Variants in GRID1 observed in about 807,000 individuals in gnomAD.
GRID1 encodes glutamate ionotropic receptor delta type subunit 1, also known as glutamate receptor ionotropic, delta-1.
A neutral mutation model predicts 98.0 loss-of-function variants in GRID1; 28 were observed. The observed-to-expected ratio is 0.29, with a 90% confidence interval of 0.21 to 0.39. The LOEUF is 0.39. GRID1 is among the 10% of genes least tolerant of loss of function. The pLI, the probability that GRID1 is intolerant of heterozygous loss-of-function variation, is 1.00. For synonymous variants in GRID1, 553 were observed against 538.5 expected, an observed-to-expected ratio of 1.03 and a Z score of -0.37; for missense variants, 1,111 against 1,340.5, an observed-to-expected ratio of 0.83 and a Z score of 2.67.
rs749366937 is a variant in GRID1, at chr10:86,211,073, TG to T, written c.236-4426del. Among the ~76,000 whole-genome samples, 9 of 152,094 alleles carry T rather than the reference TG, an allele frequency of 5.9e-5. No homozygotes were observed. The East Asian group carries it at 7.7e-4, about 13-fold the overall frequency. ...CTTTCTGTCTTTCTTTCTTTCTTCT[TG>T]GGGGGGTCAAATAAAGATGATGGCT... On this transcript the variant is annotated intron_variant, in intron 2 of 15. Coordinates refer to ENST00000327946, the MANE Select transcript of GRID1 (RefSeq NM_017551.3).
intron 2 of GRID1, among the ~76,000 whole-genome samples, chr10:86,287,436 C>A (rs1478546943): frequency 6.6e-6 from 1 of 152,186 alleles, no homozygotes; most frequent in African/African-American, 2.4e-5. Context: ...ATTGTTTTAC[C>A]AAGTGTCTTC....
intron 4 of GRID1, among the ~76,000 whole-genome samples, chr10:86,066,846 C>T (rs577390484): frequency 5.3e-5 from 8 of 152,302 alleles, no homozygotes; most frequent in African/African-American, 1.9e-4. Flanking sequence ...GCTTAGATGG[C>T]AAACACCAAG....
intron 2 of GRID1, among the ~76,000 whole-genome samples, chr10:86,293,666 C>A (rs1847547796): frequency 6.6e-6 from 1 of 152,214 alleles, no homozygotes; most frequent in Non-Finnish European, 1.5e-5. Context: ...CATCAGGGAA[C>A]CTGCATCCAC....
chr10:86,084,811 G>A (rs1844027154), intron 4 of GRID1, among the ~76,000 whole-genome samples: 1 of 152,050 alleles, frequency 6.6e-6, no homozygotes, highest in Non-Finnish European at 1.5e-5. Context: ...ACTTACATGA[G>A]TTATGTAGAG....
At chr10:85,824,359 A>C (rs2131754880) in intron 8 of GRID1, among the ~76,000 whole-genome samples, 1 of 152,086 alleles carries the variant, frequency 6.6e-6, no homozygotes, top group East Asian at 1.9e-4. Context: ...TTACAGACTC[A>C]CACCACCACA....
intron 12 of GRID1, among the ~76,000 whole-genome samples, chr10:85,703,555 A>G (rs1203136597): frequency 1.3e-5 from 2 of 152,126 alleles, no homozygotes; most frequent in Non-Finnish European, 2.9e-5. Context: ...AAGGTATTTT[A>G]GTATTACCTT....
chr10:86,360,035 G>C (rs1009096811), intron 2 of GRID1, among the ~76,000 whole-genome samples: 1 of 152,198 alleles, frequency 6.6e-6, no homozygotes, highest in Non-Finnish European at 1.5e-5. Context: ...GGCAGTGCTT[G>C]TAAGGAGCTT....
chr10:86,089,647 A>C (rs899597179), intron 4 of GRID1, among the ~76,000 whole-genome samples: 2 of 152,248 alleles, frequency 1.3e-5, no homozygotes, highest in Non-Finnish European at 2.9e-5. Flanking sequence ...CAGCTAGCAT[A>C]AAAATGCTTC....
intron 4 of GRID1, among the ~76,000 whole-genome samples, chr10:86,106,449 T>C (rs754211692): frequency 3.4e-5 from 5 of 147,552 alleles, no homozygotes; most frequent in South Asian, 4.4e-4. Flanking sequence ...TACAGGGAGG[T>C]TCTGGCTTCA....
At chr10:85,723,362 A>T (rs1841725615) in intron 11 of GRID1, among the ~76,000 whole-genome samples, 1 of 152,118 alleles carries the variant, frequency 6.6e-6, no homozygotes, top group South Asian at 2.1e-4. Context: ...AAATATGAAA[A>T]AGTTAGGACT....
chr10:86,180,422 C>T (rs767306742), intron 3 of GRID1, among the ~76,000 whole-genome samples: 3 of 152,122 alleles, frequency 2.0e-5, no homozygotes, highest in Admixed American at 1.3e-4. Flanking sequence ...CAGAGGTTGT[C>T]CTCAGAGTGC....
intron 12 of GRID1, among the ~76,000 whole-genome samples, chr10:85,679,371 A>C (rs998707725): frequency 6.6e-6 from 1 of 152,196 alleles, no homozygotes; most frequent in Non-Finnish European, 1.5e-5. Context: ...GGAATTCACT[A>C]ACTCCCACAA....
intron 3 of GRID1, among the ~76,000 whole-genome samples, chr10:86,178,317 A>G (rs1282413295): frequency 6.6e-6 from 1 of 152,134 alleles, no homozygotes; most frequent in Non-Finnish European, 1.5e-5. Flanking sequence ...CACAGCCCCA[A>G]ACCTTCCCCT....
At chr10:85,825,450 G>A (rs1013400534) in intron 8 of GRID1, among the ~76,000 whole-genome samples, 4 of 151,698 alleles carry the variant, frequency 2.6e-5, no homozygotes, top group Non-Finnish European at 5.9e-5. Flanking sequence ...TTTGTCAGAT[G>A]CATCATTTGC....
chr10:86,006,267 G>A (rs150392349), intron 4 of GRID1, among the ~76,000 whole-genome samples: 1 of 152,142 alleles, frequency 6.6e-6, no homozygotes, highest in Admixed American at 6.6e-5. Context: ...TGGGAAAAAA[G>A]GTTAATTTCA....
intron 8 of GRID1, among the ~76,000 whole-genome samples, chr10:85,814,577 C>A (rs1842700016): frequency 6.6e-6 from 1 of 151,828 alleles, no homozygotes; most frequent in Non-Finnish European, 1.5e-5. Flanking sequence ...AGAAATAACA[C>A]AAACTACTAA....
At position 86,200,988 on chromosome 10, in the gene GRID1, A is replaced by C. The variant is rs1845943257; in HGVS notation, c.520+5376T>G. On this transcript the variant is annotated intron_variant, in intron 3 of 15. Coordinates refer to ENST00000327946, the MANE Select transcript of GRID1 (RefSeq NM_017551.3). ...CACATGGTAGTGTGAATAGGTAGGA[A>C]TGCTTTGGAAAACAGTTTGGTCTAA... 1.3e-5 allele frequency among the ~76,000 whole-genome samples: 2 copies of C among 152,356 alleles called. 1 individual carries two copies. Among genetic ancestry groups the C allele is most frequent in the South Asian group, 4.1e-4 (2 of 4,832 alleles).
At chr10:85,758,698 A>T (rs555388137) in intron 8 of GRID1, among the ~76,000 whole-genome samples, 1 of 152,256 alleles carries the variant, frequency 6.6e-6, no homozygotes, top group Admixed American at 6.5e-5. Flanking sequence ...GGGTACTGGG[A>T]GGTATGATTT....
intron 3 of GRID1, among the ~76,000 whole-genome samples, chr10:86,145,919 G>A (rs1845083597): frequency 6.6e-6 from 1 of 152,100 alleles, no homozygotes; most frequent in Non-Finnish European, 1.5e-5. Context: ...GCCGGTGGAG[G>A]CAAAGCCCTA....
Sources: gnomAD v4.1 joint callset for allele counts (sites outside exome capture counted in the v4.1 genomes callset) on GRCh38, gnomAD v4.1.1 for gene constraint, MANE v1.5 for transcripts, NCBI Gene and HGNC (gene_info 2026-07-23, HGNC 2026-07-21) for gene names.